Variants in RPS6KA2 observed in about 807,000 individuals in gnomAD.
RPS6KA2 encodes ribosomal protein S6 kinase A2.
RPS6KA2 carries 42 observed loss-of-function variants against 91.8 expected under a neutral mutation model. The ratio of observed to expected loss-of-function variants is 0.46; its 90% CI spans 0.36 to 0.59. The LOEUF (loss-of-function observed/expected upper bound fraction) is 0.59, where lower values mean the gene tolerates loss of function less well. Among genes scored for constraint, RPS6KA2 ranks in the 20% least tolerant of loss-of-function variants. The probability of loss-of-function intolerance (pLI) is 0.00; values close to 1 mark genes in which losing one functional copy is unlikely to be tolerated. For missense variants in RPS6KA2, 798 were observed against 978.5 expected (o/e 0.82, Z 2.46); for synonymous variants, 414 against 393.6 (o/e 1.05, Z -0.61).
intron 17 of RPS6KA2, among the ~76,000 whole-genome samples, chr6:166,420,859 A>G (rs75602700): frequency 0.022 from 3,331 of 152,320 alleles, 101 homozygotes; most frequent in African/African-American, 0.076. Context: ...GTAGAGGGCA[A>G]TCCTCTGATA....
At position 166,469,896 on chromosome 6, in the gene RPS6KA2, A is replaced by G. The variant is rs746006416; in HGVS notation, c.917T>C (p.Ile306Thr). Residue 306 changes from isoleucine (I) to threonine (T), a missense_variant, in exon 11 of 21, where the codon ATT (isoleucine) becomes ACT (threonine). Transcript: ENST00000265678. Reference sequence around the variant, plus strand: ...GCGCTTAATTTCCTCCACTCCGTCAATGCCAGCACCTGTCAACAACACAGA... The same window carrying G: ...GCGCTTAATTTCCTCCACTCCGTCAGTGCCAGCACCTGTCAACAACACAGA... ...RNPCNRLGAG[I>T]DGVEEIKRHP... The G allele has an allele frequency of 3.1e-6, 5 of 1,613,936 alleles. No individual in the cohort carries two copies. The highest frequency in any genetic ancestry group is 4.2e-6 in the Non-Finnish European group (5 of 1,179,878).
chr6:166,415,867 C>T lies in RPS6KA2; in HGVS notation c.1939-1936G>A, dbSNP rs1228177117. On this transcript the variant is annotated intron_variant, in intron 19 of 20. Coordinates refer to ENST00000265678, the MANE Select transcript of RPS6KA2 (RefSeq NM_021135.6). ...CACCCTTACCATCATTCCTCCATCA[C>T]CCCCACCATAATCTTCACCATCACC... 6.6e-5 allele frequency among the ~76,000 whole-genome samples: 10 copies of T among 151,274 alleles called. No individual in the cohort carries two copies. In the East Asian group the frequency reaches 1.8e-3, roughly 27 times the overall value.
In RPS6KA2 at chr6:166,563,130, A is replaced by C. The variant is rs940130180; in HGVS notation, c.100-24346T>G. Among the ~76,000 whole-genome samples, 1 of 152,130 alleles carries C rather than the reference A, an allele frequency of 6.6e-6. No individual in the cohort carries two copies. The highest frequency in any genetic ancestry group is 2.4e-5 in the African/African-American group (1 of 41,428). On this transcript the variant is annotated intron_variant, in intron 1 of 20. Coordinates refer to ENST00000265678, the MANE Select transcript of RPS6KA2 (RefSeq NM_021135.6). The surrounding 1 kb of genome is among the most constrained non-coding windows in gnomAD (Gnocchi z 4.1). ...TGTGGAAGAGATCCAGCCTGCAATG[A>C]CTGGAGGGTGGGAGTGGACGAAGTT...
intron 6 of RPS6KA2, 132 bp downstream of exon 6, chr6:166,504,374 G>A: frequency 1.7e-6 from 1 of 580,726 alleles, no homozygotes; most frequent in Non-Finnish European, 3.0e-6. Flanking sequence ...CGGCACAAGA[G>A]TCTCCCCAGC....
At chr6:166,553,473 C>T (rs564675520) in intron 1 of RPS6KA2, among the ~76,000 whole-genome samples, 11 of 149,376 alleles carry the variant, frequency 7.4e-5, no homozygotes, top group Non-Finnish European at 1.0e-4. Context: ...CCTTAAACTC[C>T]TTAATGCAAG....
At position 166,451,112 on chromosome 6, in the gene RPS6KA2, T is replaced by G; in HGVS notation, c.1197A>C (p.Pro399=). 3 of 1,614,038 alleles carry G rather than the reference T, an allele frequency of 1.9e-6. No individual in the cohort carries two copies. The highest frequency in any genetic ancestry group is 2.5e-6 in the Non-Finnish European group (3 of 1,179,954). The change falls in exon 13 of 21, where the codon CCA becomes CCC. Residue 399 remains proline, a synonymous_variant. Transcript: ENST00000265678. ...QQDLHKVPVH[P]IVQQLHGNNI... ...AGGCAAACACAGTTACCTGCACGATTGGGTGAACTGGGACTTTGTGCAGAT... is the reference window on the plus strand; with the variant it reads ...AGGCAAACACAGTTACCTGCACGATGGGGTGAACTGGGACTTTGTGCAGAT...
intron 2 of RPS6KA2, among the ~76,000 whole-genome samples, chr6:166,710,601 C>T (rs1789817625): frequency 6.6e-6 from 1 of 151,952 alleles, no homozygotes; most frequent in African/African-American, 2.4e-5. Context: ...CTTTTGATTA[C>T]ATCCTGGAGG....
At chr6:166,858,169 A>G in intron 2 of RPS6KA2, 1 of 1,327,860 alleles carries the variant, frequency 7.5e-7, no homozygotes, top group Non-Finnish European at 1.1e-6. Context: ...TCCCCAAACA[A>G]AGCAGAGTGT....
At position 166,430,615 on chromosome 6, in the gene RPS6KA2, C is replaced by T. The variant is rs374056881; in HGVS notation, c.1423-4G>A. ...CAAACTTGCCATCATCATAGACCTG[C>T]GGAGTGGAGAAGGGGCGCACACGTC... On this transcript the variant is annotated splice_region_variant and splice_polypyrimidine_tract_variant and intron_variant, in intron 15 of 20. Transcript: ENST00000265678. 1.4e-4 allele frequency: 223 copies of T among 1,609,576 alleles called. No homozygotes were observed. The highest frequency in any genetic ancestry group is 3.3e-4 in the Admixed American group (20 of 59,734).
At chr6:166,443,549 A>G (rs569644737) in intron 14 of RPS6KA2, among the ~76,000 whole-genome samples, 5 of 152,224 alleles carry the variant, frequency 3.3e-5, no homozygotes, top group Non-Finnish European at 7.3e-5. Context: ...GTGTCACAGG[A>G]CGTTTAAAGC....
At chr6:166,614,358 C>A (rs771137375) in intron 1 of RPS6KA2, among the ~76,000 whole-genome samples, 41 of 152,328 alleles carry the variant, frequency 2.7e-4, no homozygotes, top group Non-Finnish European at 1.5e-4. Context: ...ACCTCGAGCC[C>A]CCATTCCCAG....
rs2128559468 is a variant in RPS6KA2 at position 166,666,667 on chromosome 6, G to A, written c.124-127883C>T. Among the ~76,000 whole-genome samples the A allele has an allele frequency of 6.6e-6, 1 of 152,328 alleles. No individual in the cohort carries two copies. The highest frequency in any genetic ancestry group is 2.4e-5 in the African/African-American group (1 of 41,572). ...ATTAGAATTGTTGTTTACTGTTGGT[G>A]GAAATGTAAAACGGTGCAGGAGCTC... is the stretch of plus-strand genomic sequence containing the variant. On this transcript the variant is annotated intron_variant, in intron 2 of 21. Transcript: ENST00000503859. This position sits in a 1 kb window ranked among gnomAD's most constrained non-coding sequence, Gnocchi z 4.0.
chr6:166,466,983 CTCAT>C (rs1003922307), intron 11 of RPS6KA2, among the ~76,000 whole-genome samples: 3 of 152,056 alleles, frequency 2.0e-5, no homozygotes, highest in Admixed American at 6.5e-5. Flanking sequence ...CACTCCCTCA[CTCAT>C]TAACTCACTC....
rs778973277 is a variant in RPS6KA2, at chr6:166,448,945, C to T, written c.1207-96G>A. Reference sequence around the variant, plus strand: ...CAGAATGTGGGGCGAAGAGAGGCACCGACTGTGAACTGAGTGTGTGGAGGC... The same window carrying T: ...CAGAATGTGGGGCGAAGAGAGGCACTGACTGTGAACTGAGTGTGTGGAGGC... On this transcript the variant is annotated intron_variant, in intron 13 of 20. Transcript: ENST00000265678. This position sits in a 1 kb window ranked among gnomAD's most constrained non-coding sequence, Gnocchi z 4.7. 235 of 1,440,216 alleles carry T rather than the reference C, an allele frequency of 1.6e-4. No individual in the cohort carries two copies. Among genetic ancestry groups the T allele is most frequent in the Non-Finnish European group, 1.9e-4 (202 of 1,046,780 alleles). The allele number at this position is 1,440,216 out of a possible 1,614,324, so 89.2% of individuals were successfully genotyped here.
At chr6:166,561,182 C>T (rs753109391) in intron 1 of RPS6KA2, among the ~76,000 whole-genome samples, 2 of 152,186 alleles carry the variant, frequency 1.3e-5, no homozygotes, top group Non-Finnish European at 2.9e-5. Context: ...TGGAGCCCTA[C>T]ACACCTCATT....
At chr6:166,667,095 AG>A (rs1162131085) in intron 2 of RPS6KA2, among the ~76,000 whole-genome samples, 2 of 152,198 alleles carry the variant, frequency 1.3e-5, no homozygotes, top group Non-Finnish European at 2.9e-5. Context: ...GATGAGGATT[AG>A]GGGGAAAAAG....
intron 8 of RPS6KA2, among the ~76,000 whole-genome samples, chr6:166,497,327 C>A (rs192033057): frequency 9.2e-5 from 14 of 152,350 alleles, no homozygotes; most frequent in African/African-American, 2.9e-4. Context: ...TTGAACTGCA[C>A]GACTGTCTGT....
rs1465193904 is a variant in RPS6KA2 at position 166,852,520 on chromosome 6, G to C, written c.123+5680C>G. Among the ~76,000 whole-genome samples the C allele has an allele frequency of 6.6e-6, 1 of 152,166 alleles. No individual in the cohort carries two copies. The highest frequency in any genetic ancestry group is 1.5e-5 in the Non-Finnish European group (1 of 68,026). On this transcript the variant is annotated intron_variant, in intron 2 of 21. Coordinates refer to the RPS6KA2 transcript ENST00000503859. The surrounding 1 kb of genome is among the most constrained non-coding windows in gnomAD (Gnocchi z 4.1). ...CCGCACAGGCGGTTTAGCCTGTCCC[G>C]GGCCATATCCTGCTGGAGCTTTGGC...
intron 2 of RPS6KA2, among the ~76,000 whole-genome samples, chr6:166,797,504 G>C (rs1016817392): frequency 6.6e-6 from 1 of 152,090 alleles, no homozygotes; most frequent in African/African-American, 2.4e-5. Flanking sequence ...TATGTCATAT[G>C]TATCATATAC....
Sources: allele counts gnomAD v4.1 joint callset (sites outside exome capture counted in the v4.1 genomes callset), GRCh38; gene constraint gnomAD v4.1.1; non-coding constraint Gnocchi (gnomAD v3.1); transcripts MANE v1.5; gene names NCBI Gene and HGNC (gene_info 2026-07-23, HGNC 2026-07-21).